The following UEVLD variants were observed in gnomAD, a reference collection of about 807,000 sequenced individuals.
UEVLD encodes ubiquitin-conjugating enzyme E2 variant 3.
In UEVLD, 47 loss-of-function variants were observed where a neutral mutation model predicts 58.6. The observed-to-expected ratio is 0.80, with a 90% confidence interval of 0.63 to 1.02. The LOEUF (loss-of-function observed/expected upper bound fraction) is 1.02, where lower values mean the gene tolerates loss of function less well. Ranked by LOEUF, UEVLD falls within the 50% of genes least tolerant of loss-of-function variation. UEVLD has a pLI of 0.00. For missense variants in UEVLD, 510 were observed against 550.6 expected, an observed-to-expected ratio of 0.93 and a Z score of 0.74; for synonymous variants, 197 against 195.3, an observed-to-expected ratio of 1.01 and a Z score of -0.07.
intron 9 of UEVLD, 32 bp downstream of exon 9, chr11:18,544,591 C>T: frequency 6.4e-7 from 1 of 1,573,138 alleles, no homozygotes; most frequent in African/African-American, 1.4e-5. Flanking sequence ...AGGCATGAGC[C>T]ACCACACCCA....
chr11:18,551,899 G>A (rs893474152), intron 7 of UEVLD, among the ~76,000 whole-genome samples: 4 of 152,048 alleles, frequency 2.6e-5, no homozygotes, highest in African/African-American at 4.8e-5. Context: ...TACTGTTCTC[G>A]GATTATGAGG....
At chr11:18,549,550 C>T (rs956073991) in intron 7 of UEVLD, among the ~76,000 whole-genome samples, 1 of 152,030 alleles carries the variant, frequency 6.6e-6, no homozygotes, top group African/African-American at 2.4e-5. Flanking sequence ...TCCCTAGTAG[C>T]TGGGATTACA....
rs745696404 is a variant in UEVLD, at chr11:18,570,397, CAT to C, written c.194-22_194-21del. 2.7e-5 allele frequency: 41 copies of C among 1,501,896 alleles called. 1 individual carries two copies. In the South Asian group the frequency reaches 5.6e-4, roughly 20 times the overall value. 93.0% of individuals were successfully genotyped at this position (1,501,896 alleles called of 1,614,324 possible). ...TATTACCTATTTGAGACAAAAGAAA[CAT>C]ATCTTCAAACAATAATAAAGCACAC... On this transcript the variant is annotated intron_variant, in intron 3 of 11. Transcript: ENST00000396197.
chr11:18,574,050 G>A (rs1329130239), intron 3 of UEVLD, among the ~76,000 whole-genome samples: 6 of 152,062 alleles, frequency 3.9e-5, no homozygotes, highest in Admixed American at 1.3e-4. Flanking sequence ...TAACTCCACT[G>A]TTCAACAAAT....
chr11:18,569,668 A>T (rs982471091), intron 4 of UEVLD, among the ~76,000 whole-genome samples: 1 of 152,206 alleles, frequency 6.6e-6, no homozygotes, highest in Non-Finnish European at 1.5e-5. Flanking sequence ...ACATGGAGAA[A>T]TGCTCAATAT....
rs1322795485 is a variant in UEVLD, at chr11:18,570,315, T to C, written c.256A>G (p.Ile86Val). Residue 86 changes from isoleucine (I) to valine (V), a missense_variant, in exon 4 of 12, where the codon ATT becomes GTT. Coordinates refer to ENST00000396197, the MANE Select transcript of UEVLD (RefSeq NM_001040697.4). ...ILDSHPFAPP[I>V]CFLKPTANMG... Reference sequence around the variant, plus strand: ...TTTGCAGTTGGCTTCAAGAAGCAAATAGGGGGAGCGAAAGGGTGAGAATCC... The same window carrying C: ...TTTGCAGTTGGCTTCAAGAAGCAAACAGGGGGAGCGAAAGGGTGAGAATCC... The C allele has an allele frequency of 3.8e-6, 6 of 1,588,892 alleles. No homozygotes were observed. Among genetic ancestry groups the C allele is most frequent in the East Asian group, 4.5e-5 (2 of 44,210 alleles).
intron 5 of UEVLD, 56 bp downstream of exon 5, chr11:18,566,291 G>A: frequency 6.2e-7 from 1 of 1,601,482 alleles, no homozygotes; most frequent in Non-Finnish European, 8.5e-7. Flanking sequence ...AAGGAGTTTA[G>A]TGAGAAACTG....
intron 6 of UEVLD, chr11:18,563,697 C>T (rs1852150810): frequency 2.0e-6 from 2 of 985,426 alleles, no homozygotes; most frequent in African/African-American, 3.5e-5. Context: ...GAATACAACT[C>T]AAATTCTAAT....
At chr11:18,569,407 C>T (rs1212976569) in intron 4 of UEVLD, among the ~76,000 whole-genome samples, 1 of 152,072 alleles carries the variant, frequency 6.6e-6, no homozygotes. Context: ...TTTGTGTACC[C>T]TTTTGGAGGC....
chr11:18,571,370 T>C (rs1852602161), intron 3 of UEVLD, among the ~76,000 whole-genome samples: 1 of 151,858 alleles, frequency 6.6e-6, no homozygotes, highest in Admixed American at 6.6e-5. Flanking sequence ...AAACAAAAAA[T>C]GTCTATTGAA....
At chr11:18,583,663 T>TTTTC in intron 1 of UEVLD, among the ~76,000 whole-genome samples, 1 of 148,316 alleles carries the variant, frequency 6.7e-6, no homozygotes, top group Admixed American at 6.7e-5. Flanking sequence ...ATTACTTTTT[T>TTTTC]TTTTTTTTTT....
rs1850518722 is a variant in UEVLD at position 18,530,372 on chromosome 11, C to T, written c.*1948G>A. The T allele has an allele frequency of 6.6e-6, 1 of 152,156 alleles. No individual in the cohort carries two copies. Among genetic ancestry groups the T allele is most frequent in the Admixed American group, 6.5e-5 (1 of 15,280 alleles). The allele number at this position is 152,156 out of a possible 1,614,324, so 9.4% of individuals were successfully genotyped here. Reference sequence around the variant, plus strand: ...TCCAAGCATATTAAATAGTTTTCTGCTTTCCTAACATGGGTTACTGAATAT... The same window carrying T: ...TCCAAGCATATTAAATAGTTTTCTGTTTTCCTAACATGGGTTACTGAATAT... On this transcript the variant is annotated 3_prime_UTR_variant, in exon 12 of 12. Transcript: ENST00000396197.
chr11:18,560,272 C>T (rs1227273255), intron 6 of UEVLD, among the ~76,000 whole-genome samples: 2 of 152,076 alleles, frequency 1.3e-5, no homozygotes, highest in African/African-American at 2.4e-5. Flanking sequence ...TAGTAATCCC[C>T]TCTAAAACAT....
At chr11:18,559,507 T>C (rs1851913209) in intron 6 of UEVLD, among the ~76,000 whole-genome samples, 2 of 152,158 alleles carry the variant, frequency 1.3e-5, no homozygotes, top group African/African-American at 2.4e-5. Flanking sequence ...CCCCTGCAGG[T>C]TTCTTTTAAT....
At chr11:18,568,536 G>C (rs1025995062) in intron 4 of UEVLD, among the ~76,000 whole-genome samples, 4 of 152,032 alleles carry the variant, frequency 2.6e-5, no homozygotes, top group African/African-American at 9.7e-5. Context: ...ATCCATTTTT[G>C]TCCTTCCAAC....
chr11:18,534,323 C>A lies in UEVLD; in HGVS notation c.1248+7G>T. The A allele has an allele frequency of 6.6e-7, 1 of 1,509,188 alleles. No homozygotes were observed. 93.5% of individuals were successfully genotyped at this position (1,509,188 alleles called of 1,614,324 possible). A position where few individuals can be genotyped will look rare whatever the true frequency, so the allele number is the denominator to read the frequency against. ...AAATATAATAAGAGAATAAGAATAG[C>A]AATTACCTTTGCTAAAGCTGATACA... On this transcript the variant is annotated splice_region_variant and intron_variant, in intron 11 of 11. Coordinates refer to ENST00000396197, the MANE Select transcript of UEVLD (RefSeq NM_001040697.4).
chr11:18,546,951 A>G lies in UEVLD; in HGVS notation c.815T>C (p.Met272Thr), dbSNP rs1851326881. 1.2e-6 allele frequency: 2 copies of G among 1,614,200 alleles called. No individual in the cohort carries two copies. The highest frequency in any genetic ancestry group is 2.2e-5 in the East Asian group (1 of 44,890). The change falls in exon 8 of 12, where the codon ATG (methionine) becomes ACG (threonine). Residue 272 changes from methionine to threonine, a missense_variant. Transcript: ENST00000396197. Reference protein sequence around the residue: ...YLDVVQSNVDMFRALVPALGH... With the variant: ...YLDVVQSNVDTFRALVPALGH... ...CAGAGCTGGGACAAGGGCTCTGAAC[A>G]TATCCACATTGCTCTGTACCACATC...
At chr11:18,578,625 T>C in intron 2 of UEVLD, 99 bp downstream of exon 2, 1 of 817,994 alleles carries the variant, frequency 1.2e-6, no homozygotes, top group Non-Finnish European at 2.0e-6. Context: ...AATCAGAGGA[T>C]AAAAGAGAAA....
At chr11:18,545,088 T>TTTTTTTGAGATGGAG (rs1851248946) in intron 8 of UEVLD, among the ~76,000 whole-genome samples, 1 of 147,144 alleles carries the variant, frequency 6.8e-6, no homozygotes, top group African/African-American at 2.5e-5. Context: ...TTTTTTTTTT[T>TTTTTTTGAGATGGAG]TTGAGATGGA....
Sources: gnomAD v4.1 joint callset for allele counts (sites outside exome capture counted in the v4.1 genomes callset) on GRCh38, gnomAD v4.1.1 for gene constraint, MANE v1.5 for transcripts, NCBI Gene and HGNC (gene_info 2026-07-23, HGNC 2026-07-21) for gene names.